ALK: variants seen among roughly 807,000 people sequenced by gnomAD.
ALK encodes ALK receptor tyrosine kinase.
Under a neutral mutation model 163.1 loss-of-function variants are expected in ALK, and 74 were observed. The ratio of observed to expected loss-of-function variants is 0.45; its 90% CI spans 0.38 to 0.55. The LOEUF is 0.55. ALK is among the 20% of genes least tolerant of loss of function. ALK has a pLI of 0.00. For missense variants in ALK, 2,063 were observed against 2,105.3 expected (o/e 0.98, Z 0.39); for synonymous variants, 960 against 843.2 (o/e 1.14, Z -2.40).
chr2:29,705,730 G>T (rs757565871), intron 2 of ALK, among the ~76,000 whole-genome samples: 3 of 152,146 alleles, frequency 2.0e-5, no homozygotes, highest in Admixed American at 6.5e-5. Flanking sequence ...TTAAAGCAGG[G>T]ACCACCTCCT....
intron 1 of ALK, among the ~76,000 whole-genome samples, chr2:29,789,015 CTGTGTGTGTGTGTG>C (rs57619106): frequency 4.0e-5 from 5 of 125,488 alleles, no homozygotes; most frequent in African/African-American, 8.4e-5. Flanking sequence ...TCCTGGTACA[CTGTGTGTGTGTGTG>C]TGTGTGTGTG....
chr2:29,729,811 A>C (rs1288301147), intron 1 of ALK, among the ~76,000 whole-genome samples: 1 of 152,228 alleles, frequency 6.6e-6, no homozygotes, highest in Non-Finnish European at 1.5e-5. Flanking sequence ...GTTTTACTAT[A>C]GAAAATCTGA....
In ALK at chr2:29,630,651, G is replaced by GT. The variant is rs537878306; in HGVS notation, c.952+64198dup. The stretch of plus-strand genomic sequence containing the variant: ...ACTAAAATGTTATATAAACCACCAG[G>GT]TATCAGGAATCTTTCTAGATTAATG... On this transcript the variant is annotated intron_variant, in intron 3 of 28. Transcript: ENST00000389048. Among the ~76,000 whole-genome samples, 217 of 151,972 alleles carry GT rather than the reference G, an allele frequency of 1.4e-3. 1 individual carries two copies. The highest frequency in any genetic ancestry group is 5.1e-3 in the African/African-American group (211 of 41,446).
At chr2:29,332,561 C>A (rs1029340505) in intron 5 of ALK, among the ~76,000 whole-genome samples, 1 of 152,164 alleles carries the variant, frequency 6.6e-6, no homozygotes, top group African/African-American at 2.4e-5. Flanking sequence ...CCAGAGGCCA[C>A]CATTTTTAAC....
chr2:29,394,601 AG>A (rs1211046823), intron 4 of ALK, among the ~76,000 whole-genome samples: 1 of 152,158 alleles, frequency 6.6e-6, no homozygotes, highest in Non-Finnish European at 1.5e-5. Context: ...AGACCACAGG[AG>A]GGGATTCCAG....
At chr2:29,786,287 C>A (rs1428411539) in intron 1 of ALK, among the ~76,000 whole-genome samples, 1 of 152,106 alleles carries the variant, frequency 6.6e-6, no homozygotes, top group African/African-American at 2.4e-5. Flanking sequence ...CCTCCCATAG[C>A]CCTAACCAGC....
intron 3 of ALK, among the ~76,000 whole-genome samples, chr2:29,561,927 T>C (rs1014088755): frequency 2.0e-5 from 3 of 152,050 alleles, no homozygotes; most frequent in African/African-American, 7.2e-5. Flanking sequence ...GTAGTGATGT[T>C]TCAAAAGGTT....
intron 23 of ALK, 58 bp from the exon 24 acceptor site, chr2:29,214,139 T>A (rs2148159752): frequency 6.9e-7 from 1 of 1,458,310 alleles, no homozygotes; most frequent in Non-Finnish European, 9.6e-7. Context: ...AGGAGGGAAA[T>A]CTGAAATGCT....
At chr2:29,224,604 G>A (rs919789408) in intron 19 of ALK, 3 of 228,338 alleles carry the variant, frequency 1.3e-5, no homozygotes, top group Admixed American at 5.7e-5. Flanking sequence ...CATGGGCCAG[G>A]GCAAATGAGT....
chr2:29,667,419 T>G (rs1485511743), intron 3 of ALK, among the ~76,000 whole-genome samples: 1 of 152,108 alleles, frequency 6.6e-6, no homozygotes, highest in Non-Finnish European at 1.5e-5. Context: ...GCTTTTAATT[T>G]TTTCCTATTC....
intron 23 of ALK, among the ~76,000 whole-genome samples, chr2:29,216,919 T>TG (rs1202097600): frequency 1.9e-4 from 11 of 59,348 alleles, no homozygotes. Context: ...GTATATGTCT[T>TG]TATGGTGTGT....
intron 4 of ALK, among the ~76,000 whole-genome samples, chr2:29,393,811 T>A (rs1173595867): frequency 6.6e-6 from 1 of 152,136 alleles, no homozygotes; most frequent in Non-Finnish European, 1.5e-5. Flanking sequence ...ATTAAGTGGA[T>A]GAAATAGGCA....
intron 1 of ALK, among the ~76,000 whole-genome samples, chr2:29,845,525 C>T (rs1313303327): frequency 6.6e-6 from 1 of 152,144 alleles, no homozygotes; most frequent in Admixed American, 6.5e-5. Flanking sequence ...ACCTCCACCC[C>T]CCAGGTTCAA....
intron 12 of ALK, among the ~76,000 whole-genome samples, chr2:29,241,529 T>A (rs1055043424): frequency 1.3e-5 from 2 of 150,552 alleles, no homozygotes; most frequent in Non-Finnish European, 3.0e-5. Context: ...GGTGATGGGG[T>A]GAGGAAGGCT....
intron 1 of ALK, among the ~76,000 whole-genome samples, chr2:29,859,315 G>T (rs1666222010): frequency 6.6e-6 from 1 of 152,212 alleles, no homozygotes. Flanking sequence ...TGGGAGTCAG[G>T]CCAGGCATGA....
intron 26 of ALK, among the ~76,000 whole-genome samples, chr2:29,203,074 C>T (rs1669221683): frequency 6.6e-6 from 1 of 152,158 alleles, no homozygotes; most frequent in Non-Finnish European, 1.5e-5. Flanking sequence ...ATTGCAGAGT[C>T]CCACCCCTAG....
chr2:29,478,043 A>G (rs1671569630), intron 4 of ALK, among the ~76,000 whole-genome samples: 1 of 152,198 alleles, frequency 6.6e-6, no homozygotes, highest in Non-Finnish European at 1.5e-5. Flanking sequence ...TTCTTGATGT[A>G]TGCTCCTCCA....
At chr2:29,217,196 G>GT (rs1388820374) in intron 23 of ALK, among the ~76,000 whole-genome samples, 1 of 150,464 alleles carries the variant, frequency 6.6e-6, no homozygotes, top group African/African-American at 2.4e-5. Flanking sequence ...CATGTGTGGT[G>GT]TTTTGTGTGT....
At chr2:29,478,994 C>T (rs1245418557) in intron 4 of ALK, among the ~76,000 whole-genome samples, 1 of 152,164 alleles carries the variant, frequency 6.6e-6, no homozygotes, top group African/African-American at 2.4e-5. Flanking sequence ...TGAATGCCGT[C>T]TAATGAAGCC....
Sources: allele counts gnomAD v4.1 joint callset (sites outside exome capture counted in the v4.1 genomes callset), GRCh38; gene constraint gnomAD v4.1.1; transcripts MANE v1.5; gene names NCBI Gene and HGNC (gene_info 2026-07-23, HGNC 2026-07-21).